ARID4B: variants seen among roughly 807,000 people sequenced by gnomAD.
ARID4B encodes AT-rich interactive domain-containing protein 4B.
In ARID4B, 26 loss-of-function variants were observed where a neutral mutation model predicts 147.5. That is an observed-to-expected ratio of 0.18 (90% confidence interval 0.13 to 0.24). The LOEUF (loss-of-function observed/expected upper bound fraction) is 0.24. ARID4B is among the 10% of genes least tolerant of loss of function. ARID4B has a pLI of 1.00. For synonymous variants in ARID4B, 512 were observed against 507.9 expected, an observed-to-expected ratio of 1.01 and a Z score of -0.11; for missense variants, 1,179 against 1,511.5, an observed-to-expected ratio of 0.78 and a Z score of 3.65.
chr1:235,177,473 C>CT, intron 21 of ARID4B: 1 of 167,458 alleles, frequency 6.0e-6, no homozygotes, highest in Non-Finnish European at 1.3e-5. Context: ...TGCAGAAATT[C>CT]TTTTTTCTTT....
chr1:235,190,966 T>C (rs1665057477), intron 19 of ARID4B, among the ~76,000 whole-genome samples: 1 of 152,336 alleles, frequency 6.6e-6, no homozygotes, highest in South Asian at 2.1e-4. Flanking sequence ...CGCCTCTCTG[T>C]AGTCTTTGAA....
chr1:235,244,578 GGAA>G (rs1669182987), intron 7 of ARID4B, among the ~76,000 whole-genome samples: 1 of 152,002 alleles, frequency 6.6e-6, no homozygotes, highest in Non-Finnish European at 1.5e-5. Flanking sequence ...TCAATTTAAT[GGAA>G]GATGTTAAAA....
At chr1:235,299,309 G>A (rs1672966015) in intron 2 of ARID4B, among the ~76,000 whole-genome samples, 2 of 152,130 alleles carry the variant, frequency 1.3e-5, no homozygotes, top group South Asian at 4.1e-4. Context: ...CGCCTCCAGG[G>A]TTCAAACGAT....
chr1:235,248,148 C>T (rs1215855776), intron 6 of ARID4B, among the ~76,000 whole-genome samples: 2 of 152,084 alleles, frequency 1.3e-5, no homozygotes, highest in African/African-American at 4.8e-5. Context: ...ACCTCCTGGG[C>T]TCAAGTGATC....
At chr1:235,278,303 T>C (rs1671466243) in intron 2 of ARID4B, among the ~76,000 whole-genome samples, 1 of 152,178 alleles carries the variant, frequency 6.6e-6, no homozygotes, top group Non-Finnish European at 1.5e-5. Context: ...CAGAATTTCA[T>C]TATCAAACAT....
chr1:235,177,976 A>G, intron 20 of ARID4B, 63 bp from the exon 21 acceptor site: 1 of 929,204 alleles, frequency 1.1e-6, no homozygotes, highest in South Asian at 1.9e-5. Context: ...GTATAAATTA[A>G]TTCCACATTT....
intron 11 of ARID4B, among the ~76,000 whole-genome samples, chr1:235,226,189 G>A (rs914637175): frequency 1.3e-5 from 2 of 152,126 alleles, no homozygotes; most frequent in Non-Finnish European, 2.9e-5. Flanking sequence ...AAAAGGTTTG[G>A]TAGCTATTTA....
intron 22 of ARID4B, among the ~76,000 whole-genome samples, chr1:235,173,795 T>A (rs1444361789): frequency 3.0e-4 from 22 of 72,702 alleles, no homozygotes; most frequent in East Asian, 2.6e-3. Flanking sequence ...TATATATATA[T>A]ATATATATAT....
chr1:235,173,259 G>T (rs550271593), intron 22 of ARID4B, among the ~76,000 whole-genome samples: 1 of 152,128 alleles, frequency 6.6e-6, no homozygotes, highest in Non-Finnish European at 1.5e-5. Flanking sequence ...CAGGATAATC[G>T]CTTGAATCTG....
chr1:235,317,662 C>G (rs943625515), intron 2 of ARID4B, among the ~76,000 whole-genome samples: 1 of 151,978 alleles, frequency 6.6e-6, no homozygotes, highest in Non-Finnish European at 1.5e-5. Context: ...AATTTTAGAA[C>G]GAAAATTATG....
At chr1:235,310,565 G>A (rs1451746095) in intron 2 of ARID4B, among the ~76,000 whole-genome samples, 1 of 152,184 alleles carries the variant, frequency 6.6e-6, no homozygotes, top group African/African-American at 2.4e-5. Flanking sequence ...AACGTAATGT[G>A]CCATATAACT....
chr1:235,307,965 A>T (rs996897408), intron 2 of ARID4B, among the ~76,000 whole-genome samples: 4 of 151,836 alleles, frequency 2.6e-5, no homozygotes, highest in African/African-American at 9.7e-5. Flanking sequence ...AAGTAGCTGG[A>T]ATTACAGGCA....
chr1:235,327,168 G>A, intron 1 of ARID4B, 200 bp from the exon 2 acceptor site: 1 of 500,698 alleles, frequency 2.0e-6, no homozygotes, highest in Non-Finnish European at 3.6e-6. Context: ...ACACAGCTCG[G>A]CAGCTTCCCG....
At chr1:235,255,220 T>TATATATAC (rs1264196304) in intron 5 of ARID4B, among the ~76,000 whole-genome samples, 1 of 62,350 alleles carries the variant, frequency 1.6e-5, no homozygotes, top group Non-Finnish European at 4.0e-5. Context: ...TGCTGGGAGC[T>TATATATAC]AGATAGATAG....
Position 235,326,984 on chromosome 1 carries a change from A to C in ARID4B, c.-49-16T>G. 4.5e-6 allele frequency: 7 copies of C among 1,563,024 alleles called. No individual in the cohort carries two copies. The highest frequency in any genetic ancestry group is 6.2e-6 in the Non-Finnish European group (7 of 1,134,096). ...TCAGCTGCACCTGGAGGGGAAACAA[A>C]AGACACCCAGTCAACACCACAGGAG... is the stretch of plus-strand genomic sequence containing the variant. On this transcript the variant is annotated splice_polypyrimidine_tract_variant and intron_variant, in intron 1 of 23. Transcript: ENST00000264183.
intron 17 of ARID4B, among the ~76,000 whole-genome samples, chr1:235,199,781 T>C (rs1463244727): frequency 6.6e-6 from 1 of 152,146 alleles, no homozygotes; most frequent in Non-Finnish European, 1.5e-5. Flanking sequence ...GACACAAACA[T>C]ATTGGCAGAC....
chr1:235,265,655 C>G (rs776966934), intron 2 of ARID4B, among the ~76,000 whole-genome samples: 4 of 151,522 alleles, frequency 2.6e-5, no homozygotes, highest in Middle Eastern at 6.8e-3. Context: ...GCAGAGATCG[C>G]GCCACCGCAC....
At chr1:235,230,411 A>AAAAACAAAACAAAAC (rs67278012) in intron 10 of ARID4B, among the ~76,000 whole-genome samples, 96 of 146,330 alleles carry the variant, frequency 6.6e-4, no homozygotes, top group African/African-American at 2.3e-3. Context: ...TCCATCTCAA[A>AAAAACAAAACAAAAC]AAAACAAAAC....
chr1:235,202,843 C>T (rs769299175), intron 17 of ARID4B, among the ~76,000 whole-genome samples: 1 of 152,122 alleles, frequency 6.6e-6, no homozygotes, highest in Non-Finnish European at 1.5e-5. Context: ...AGCCACCACA[C>T]CTGGCCGTAG....
Sources: gnomAD v4.1 joint callset for allele counts (sites outside exome capture counted in the v4.1 genomes callset) on GRCh38, gnomAD v4.1.1 for gene constraint, MANE v1.5 for transcripts, NCBI Gene and HGNC (gene_info 2026-07-23, HGNC 2026-07-21) for gene names.